Variants in RBMS3 observed in about 807,000 individuals in gnomAD.
RBMS3 encodes RNA binding motif single stranded interacting protein 3.
Under a neutral mutation model 66.8 loss-of-function variants are expected in RBMS3, and 27 were observed. The observed-to-expected ratio is 0.40, with a 90% CI of 0.30 to 0.56. The LOEUF is 0.56. RBMS3 is among the 20% of genes least tolerant of loss of function. The pLI is 0.40. For synonymous variants in RBMS3, 188 were observed against 183.0 expected (o/e 1.03, Z -0.22); for missense variants, 513 against 549.5 (o/e 0.93, Z 0.66).
intron 1 of RBMS3, among the ~76,000 whole-genome samples, chr3:29,424,437 G>A (rs1356940019): frequency 6.6e-6 from 1 of 152,158 alleles, no homozygotes; most frequent in Non-Finnish European, 1.5e-5. Context: ...AACATATTAA[G>A]GTATAGATGC....
At chr3:29,657,935 T>G (rs777785410) in intron 4 of RBMS3, among the ~76,000 whole-genome samples, 6 of 152,146 alleles carry the variant, frequency 3.9e-5, no homozygotes, top group Non-Finnish European at 8.8e-5. Context: ...CTCAAACCAT[T>G]CATGAAAATG....
At chr3:29,434,961 G>T in intron 2 of RBMS3, 46 bp downstream of exon 2, 1 of 1,557,676 alleles carries the variant, frequency 6.4e-7, no homozygotes. Context: ...TCCCATACTT[G>T]CCTTGGTGGG....
intron 4 of RBMS3, among the ~76,000 whole-genome samples, chr3:29,646,634 T>A (rs1022397062): frequency 6.6e-6 from 1 of 151,996 alleles, no homozygotes; most frequent in Non-Finnish European, 1.5e-5. Context: ...TACCAAATCA[T>A]TTCTATGCCA....
chr3:29,335,353 T>C (rs9865416), intron 1 of RBMS3, among the ~76,000 whole-genome samples: 87,517 of 151,946 alleles, frequency 0.58, 25,442 homozygotes, highest in African/African-American at 0.63. Context: ...ATAATGCCTG[T>C]TGGTGCAAGC....
At chr3:29,676,118 C>T (rs992094892) in intron 4 of RBMS3, among the ~76,000 whole-genome samples, 2 of 152,186 alleles carry the variant, frequency 1.3e-5, no homozygotes, top group Non-Finnish European at 2.9e-5. Flanking sequence ...AGTTCATGTC[C>T]TTTGTAGGGA....
At chr3:29,793,102 G>T (rs1228308226) in intron 6 of RBMS3, among the ~76,000 whole-genome samples, 2 of 151,952 alleles carry the variant, frequency 1.3e-5, no homozygotes, top group Non-Finnish European at 2.9e-5. Flanking sequence ...AGCTGGGTGT[G>T]CACCTATAAT....
At chr3:29,562,024 T>C (rs1268707980) in intron 3 of RBMS3, among the ~76,000 whole-genome samples, 2 of 152,198 alleles carry the variant, frequency 1.3e-5, no homozygotes, top group East Asian at 1.9e-4. Context: ...TATTAACTGA[T>C]AATAAAGAGA....
intron 1 of RBMS3, among the ~76,000 whole-genome samples, chr3:29,342,424 A>T (rs2036329787): frequency 6.6e-6 from 1 of 152,186 alleles, no homozygotes. Flanking sequence ...AAATTAATTT[A>T]CCTGTGCCTT....
At chr3:29,308,756 CA>C (rs6147747) in intron 1 of RBMS3, among the ~76,000 whole-genome samples, 2,632 of 125,074 alleles carry the variant, frequency 0.021, 80 homozygotes, top group African/African-American at 0.069. Context: ...CAAAAAAAAA[CA>C]AAAAAAAAAA....
chr3:29,884,429 T>C (rs970136942), intron 8 of RBMS3, among the ~76,000 whole-genome samples: 1 of 81,882 alleles, frequency 1.2e-5, no homozygotes, highest in African/African-American at 4.2e-5. Context: ...CTGTTCTCTC[T>C]CTCTCTCTCT....
intron 1 of RBMS3, among the ~76,000 whole-genome samples, chr3:29,366,871 G>C (rs2037938208): frequency 6.6e-6 from 1 of 151,994 alleles, no homozygotes; most frequent in African/African-American, 2.4e-5. Context: ...AAAATCTATA[G>C]CTTGACATGA....
chr3:29,881,696 T>C (rs1029726163), intron 7 of RBMS3, among the ~76,000 whole-genome samples: 4 of 152,162 alleles, frequency 2.6e-5, no homozygotes, highest in Non-Finnish European at 5.9e-5. Flanking sequence ...TTATTGATAA[T>C]TACTGTATTC....
intron 3 of RBMS3, among the ~76,000 whole-genome samples, chr3:29,559,032 T>G (rs7620561): frequency 0.068 from 10,421 of 152,198 alleles, 657 homozygotes; most frequent in African/African-American, 0.17. Context: ...TAAGTCAGTG[T>G]GTGAGACTTG....
At chr3:29,512,504 C>CT (rs1226736504) in intron 3 of RBMS3, among the ~76,000 whole-genome samples, 1 of 152,080 alleles carries the variant, frequency 6.6e-6, no homozygotes, top group African/African-American at 2.4e-5. Context: ...AGTCTTAAAA[C>CT]TTTAAGATTT....
chr3:29,606,384 A>C (rs574031848), intron 4 of RBMS3, among the ~76,000 whole-genome samples: 1 of 151,946 alleles, frequency 6.6e-6, no homozygotes, highest in African/African-American at 2.4e-5. Context: ...GATTTTACTG[A>C]CAAACATTTC....
At chr3:29,752,880 A>G (rs1389710789) in intron 5 of RBMS3, among the ~76,000 whole-genome samples, 1 of 152,206 alleles carries the variant, frequency 6.6e-6, no homozygotes, top group Non-Finnish European at 1.5e-5. Context: ...GGCCCAGTCA[A>G]GATAAGATTA....
intron 3 of RBMS3, among the ~76,000 whole-genome samples, chr3:29,575,676 C>T (rs2047094995): frequency 1.3e-5 from 2 of 152,046 alleles, no homozygotes; most frequent in Admixed American, 1.3e-4. Context: ...ATCTTGTCAG[C>T]ATGCTTCATT....
intron 1 of RBMS3, among the ~76,000 whole-genome samples, chr3:29,407,581 A>T (rs1365099183): frequency 6.6e-6 from 1 of 152,180 alleles, no homozygotes; most frequent in Non-Finnish European, 1.5e-5. Flanking sequence ...GAGTCAAATA[A>T]TCTTAATATA....
At chr3:29,589,427 A>G (rs1422633591) in intron 4 of RBMS3, among the ~76,000 whole-genome samples, 4 of 152,104 alleles carry the variant, frequency 2.6e-5, no homozygotes, top group African/African-American at 9.7e-5. Flanking sequence ...AGTCACTTTT[A>G]TTTCTGTAGT....
Sources: gnomAD v4.1 joint callset for allele counts (sites outside exome capture counted in the v4.1 genomes callset) on GRCh38, gnomAD v4.1.1 for gene constraint, MANE v1.5 for transcripts, NCBI Gene and HGNC (gene_info 2026-07-23, HGNC 2026-07-21) for gene names.